PODXL: variants seen among roughly 807,000 people sequenced by gnomAD.
PODXL encodes podocalyxin.
PODXL carries 20 observed loss-of-function variants against 48.9 expected under a neutral mutation model. The observed-to-expected ratio is 0.41, with a 90% CI of 0.29 to 0.59. The LOEUF is 0.59. PODXL is among the 20% of genes least tolerant of loss of function. PODXL has a pLI of 0.31. For missense variants in PODXL, 606 were observed against 675.1 expected (o/e 0.90, Z 1.13); for synonymous variants, 295 against 287.4 (o/e 1.03, Z -0.27).
rs201949032 is a variant in PODXL at position 131,511,264 on chromosome 7, C to T, written c.270G>A (p.Pro90=). The T allele has an allele frequency of 4.0e-4, 648 of 1,613,936 alleles. 1 individual carries two copies. The highest frequency in any genetic ancestry group is 5.8e-4 in the Admixed American group (35 of 59,992). The change falls in exon 2 of 9, where the codon CCG becomes CCA. Residue 90 remains proline (P), a synonymous_variant. Transcript: ENST00000378555. The stretch of plus-strand genomic sequence containing the variant: ...CTTGCTGAGCCAGGGTTGTAGTCCC[C>T]GGTGAGTCACTGGATACACCAAGGG... ...ATTLGVSSDS[P]GTTTLAQQVS... is the part of the protein sequence containing the mutation.
chr7:131,527,006 T>C (rs1255912327), intron 1 of PODXL, among the ~76,000 whole-genome samples: 1 of 152,188 alleles, frequency 6.6e-6, no homozygotes, highest in Non-Finnish European at 1.5e-5. Context: ...CCCAAAGTGC[T>C]GGCATTACAG....
intron 1 of PODXL, among the ~76,000 whole-genome samples, chr7:131,514,432 G>C (rs557328517): frequency 6.6e-6 from 1 of 151,822 alleles, no homozygotes; most frequent in East Asian, 1.9e-4. Flanking sequence ...GTGGGGTGGC[G>C]GGGGGAACAG....
At chr7:131,506,859 T>C in intron 5 of PODXL, 133 bp from the exon 6 acceptor site, 1 of 905,336 alleles carries the variant, frequency 1.1e-6, no homozygotes, top group Non-Finnish European at 1.7e-6. Context: ...TAGCCCCAGC[T>C]GGTGCTCCAC....
intron 1 of PODXL, among the ~76,000 whole-genome samples, chr7:131,546,573 A>C (rs1182753508): frequency 2.0e-5 from 3 of 151,904 alleles, no homozygotes. Context: ...TAAAAATCCC[A>C]AAATCAGCTG....
Position 131,526,639 on chromosome 7 carries a change from G to C in PODXL, c.101-15206C>G, listed in dbSNP as rs1392477740. Among the ~76,000 whole-genome samples the C allele has an allele frequency of 2.0e-5, 3 of 151,470 alleles. No homozygotes were observed. The South Asian group carries it at 6.3e-4, about 32-fold the overall frequency. On this transcript the variant is annotated intron_variant, in intron 1 of 8. Coordinates refer to ENST00000378555, the MANE Select transcript of PODXL (RefSeq NM_001018111.3). The stretch of plus-strand genomic sequence containing the variant: ...TAGTAAGAAGTGGTAGCAAGAATAT[G>C]AAGTAGTGTAAATTGGTTGAAACAC...
intron 1 of PODXL, among the ~76,000 whole-genome samples, chr7:131,525,181 C>T (rs932679204): frequency 1.2e-4 from 19 of 152,084 alleles, no homozygotes; most frequent in East Asian, 1.9e-4. Context: ...CAAAGATTTG[C>T]GTACTCCAAG....
intron 1 of PODXL, among the ~76,000 whole-genome samples, chr7:131,523,518 T>C (rs557521901): frequency 6.6e-6 from 1 of 151,114 alleles, no homozygotes; most frequent in Non-Finnish European, 1.5e-5. Flanking sequence ...CTGTCTCTAC[T>C]AAAAATACAA....
Position 131,504,200 on chromosome 7 carries a change from C to G in PODXL, c.*111G>C. 3.6e-6 allele frequency: 3 copies of G among 823,908 alleles called. No homozygotes were observed. In the South Asian group the frequency reaches 4.9e-5, roughly 13 times the overall value. 51.0% of individuals were successfully genotyped at this position (823,908 alleles called of 1,614,324 possible). Reference sequence around the variant, plus strand: ...GCCCTGGGGGGATTGGGAGGGGACACCCCTCGGAGTTCACTCTCCCTCCCC... The same window carrying G: ...GCCCTGGGGGGATTGGGAGGGGACAGCCCTCGGAGTTCACTCTCCCTCCCC... On this transcript the variant is annotated 3_prime_UTR_variant, in exon 9 of 9. Coordinates refer to ENST00000378555, the MANE Select transcript of PODXL (RefSeq NM_001018111.3).
chr7:131,530,795 C>T (rs1041758261), intron 1 of PODXL, among the ~76,000 whole-genome samples: 2 of 150,702 alleles, frequency 1.3e-5, no homozygotes, highest in African/African-American at 2.4e-5. Context: ...TGTGGTGGCT[C>T]CCACCTATAA....
intron 8 of PODXL, 141 bp downstream of exon 8, chr7:131,505,727 G>T: frequency 1.4e-6 from 1 of 710,640 alleles, no homozygotes; most frequent in Non-Finnish European, 2.3e-6. Context: ...TGAGGCGGCT[G>T]CCTATCAGGG....
In PODXL at chr7:131,531,453, G is replaced by A. The variant is rs1010683492; in HGVS notation, c.101-20020C>T. ...CGCCTCACTCTCGCCAACCAGTGTC[G>A]GCTCTCTTCCCCATCTGCATGTGCT... On this transcript the variant is annotated intron_variant, in intron 1 of 8. Coordinates refer to ENST00000378555, the MANE Select transcript of PODXL (RefSeq NM_001018111.3). 1.1e-4 allele frequency among the ~76,000 whole-genome samples: 16 copies of A among 152,108 alleles called. No homozygotes were observed. The South Asian group carries it at 1.9e-3, about 18-fold the overall frequency.
chr7:131,523,679 A>C (rs1313213947), intron 1 of PODXL, among the ~76,000 whole-genome samples: 6 of 6,114 alleles, frequency 9.8e-4, no homozygotes, highest in Non-Finnish European at 5.1e-3. Context: ...AATCCGTCTC[A>C]AAAAAAAAAA....
chr7:131,524,377 C>CAGAGAG (rs1451998492), intron 1 of PODXL, among the ~76,000 whole-genome samples: 39 of 24,028 alleles, frequency 1.6e-3, no homozygotes, highest in African/African-American at 4.6e-3. Flanking sequence ...CACACACACA[C>CAGAGAG]ACAGAGAGAG....
In PODXL at chr7:131,505,360, CTCCAG is replaced by C. The variant is rs559959487; in HGVS notation, c.1479+503_1479+507del. ...GCCAGGACTAACCAAGTCTCCCTGA[CTCCAG>C]TCCAGGCGTGGTGACTCACACCTGT... On this transcript the variant is annotated intron_variant, in intron 8 of 8. Transcript: ENST00000378555. Among the ~76,000 whole-genome samples the C allele has an allele frequency of 6.9e-3, 1,056 of 152,284 alleles. 6 individuals carry two copies. The highest frequency in any genetic ancestry group is 1.0e-2 in the Admixed American group (153 of 15,304).
intron 4 of PODXL, 24 bp from the exon 5 acceptor site, chr7:131,509,052 G>A (rs767405835): frequency 8.2e-6 from 13 of 1,586,138 alleles, no homozygotes; most frequent in Admixed American, 3.3e-5. Context: ...CTGAGATTAA[G>A]GTTTGGGCTA....
At chr7:131,555,663 CTG>C (rs993556627) in intron 1 of PODXL, among the ~76,000 whole-genome samples, 2 of 152,186 alleles carry the variant, frequency 1.3e-5, no homozygotes, top group Non-Finnish European at 2.9e-5. Flanking sequence ...GACTCTGGGA[CTG>C]TGGAAGGTCC....
intron 7 of PODXL, 50 bp downstream of exon 7, chr7:131,506,210 C>T: frequency 6.2e-7 from 1 of 1,600,200 alleles, no homozygotes; most frequent in Non-Finnish European, 8.6e-7. Context: ...CCAGACCTCC[C>T]ACAAGGGGCT....
chr7:131,531,077 G>C (rs1798273400), intron 1 of PODXL, among the ~76,000 whole-genome samples: 1 of 152,064 alleles, frequency 6.6e-6, no homozygotes, highest in Non-Finnish European at 1.5e-5. Context: ...AATTAAGTCA[G>C]TACGCTTAAT....
chr7:131,515,941 A>G (rs933559591), intron 1 of PODXL, among the ~76,000 whole-genome samples: 12 of 152,206 alleles, frequency 7.9e-5, no homozygotes, highest in African/African-American at 2.9e-4. Context: ...CAGGAGGAAA[A>G]ACACAGACTC....
Sources: gnomAD v4.1 joint callset for allele counts (sites outside exome capture counted in the v4.1 genomes callset) on GRCh38, gnomAD v4.1.1 for gene constraint, MANE v1.5 for transcripts, NCBI Gene and HGNC (gene_info 2026-07-23, HGNC 2026-07-21) for gene names.